The following CAMTA1 variants were observed in gnomAD, a reference collection of about 807,000 sequenced individuals.
CAMTA1 encodes the protein calmodulin binding transcription activator 1, also known as calmodulin-binding transcription activator 1.
In CAMTA1, 27 loss-of-function variants were observed where a neutral mutation model predicts 170.9. That is an observed-to-expected ratio of 0.16 (90% confidence interval 0.12 to 0.22). CAMTA1 has a LOEUF of 0.22. Ranked by LOEUF, CAMTA1 falls within the 10% of genes least tolerant of loss-of-function variation. CAMTA1 has a pLI of 1.00. For synonymous variants in CAMTA1, 833 were observed against 891.5 expected (o/e 0.93, Z 1.17); for missense variants, 1,619 against 2,217.2 (o/e 0.73, Z 5.42).
At chr1:7,179,379 G>GAATC (rs1350247777) in intron 4 of CAMTA1, among the ~76,000 whole-genome samples, 7 of 152,038 alleles carry the variant, frequency 4.6e-5, no homozygotes, top group African/African-American at 1.4e-4. Context: ...AATAACAATG[G>GAATC]AATCAAGAAG....
chr1:7,104,128 TA>T (rs1558104693), intron 4 of CAMTA1, among the ~76,000 whole-genome samples: 10 of 16,602 alleles, frequency 6.0e-4, no homozygotes, highest in African/African-American at 1.5e-3. Context: ...ACAACACACA[TA>T]ACTACACACG....
chr1:6,888,838 A>G (rs1025137479), intron 3 of CAMTA1, among the ~76,000 whole-genome samples: 1 of 149,824 alleles, frequency 6.7e-6, no homozygotes, highest in Non-Finnish European at 1.5e-5. Context: ...TTTTTTTTTT[A>G]AGCAAAGAAC....
At chr1:7,425,381 A>G (rs1003996492) in intron 5 of CAMTA1, among the ~76,000 whole-genome samples, 6 of 151,856 alleles carry the variant, frequency 4.0e-5, no homozygotes, top group Admixed American at 3.9e-4. Context: ...TGGCACCTAG[A>G]CCCTGGGAAA....
chr1:7,462,763 G>T (rs1255744413), intron 5 of CAMTA1, among the ~76,000 whole-genome samples: 4 of 152,048 alleles, frequency 2.6e-5, no homozygotes, highest in African/African-American at 9.7e-5. Flanking sequence ...AGTAACCCCC[G>T]AGGCCACCCG....
intron 3 of CAMTA1, among the ~76,000 whole-genome samples, chr1:6,973,518 C>T (rs1371198512): frequency 5.3e-5 from 8 of 152,178 alleles, no homozygotes; most frequent in South Asian, 2.1e-4. Flanking sequence ...CCTTTATGCA[C>T]GCATCTGTTG....
chr1:6,968,302 G>T (rs1026892131), intron 3 of CAMTA1, among the ~76,000 whole-genome samples: 8 of 152,192 alleles, frequency 5.3e-5, no homozygotes, highest in African/African-American at 1.9e-4. Context: ...TCTGTGCTGG[G>T]ACAAGATCGG....
At chr1:6,943,102 G>A (rs910670552) in intron 3 of CAMTA1, among the ~76,000 whole-genome samples, 6 of 152,036 alleles carry the variant, frequency 3.9e-5, no homozygotes, top group South Asian at 2.1e-4. Flanking sequence ...GGCTGGTGCC[G>A]TGACTGGCCC....
intron 5 of CAMTA1, among the ~76,000 whole-genome samples, chr1:7,260,430 A>T (rs181888675): frequency 5.3e-4 from 81 of 152,390 alleles, no homozygotes; most frequent in African/African-American, 1.8e-3. Context: ...GCCTGAAAAC[A>T]TTAGGCAATG....
intron 3 of CAMTA1, among the ~76,000 whole-genome samples, chr1:7,042,889 A>AT (rs1171940018): frequency 6.6e-6 from 1 of 152,196 alleles, no homozygotes. Context: ...GCAATATCTG[A>AT]TTCTTGACCA....
chr1:6,854,226 A>T (rs930322954), intron 3 of CAMTA1, among the ~76,000 whole-genome samples: 2 of 152,198 alleles, frequency 1.3e-5, no homozygotes, highest in Admixed American at 6.5e-5. Context: ...TCATAGTGTA[A>T]CACATTACTG....
rs1012960365 is a variant in CAMTA1 at position 7,737,103 on chromosome 1, G to A, written c.3342+94G>A. The A allele has an allele frequency of 5.9e-5, 78 of 1,317,300 alleles. No individual in the cohort carries two copies. In the African/African-American group the frequency reaches 9.1e-4, roughly 15 times the overall value. The allele number at this position is 1,317,300 out of a possible 1,614,324, so 81.6% of individuals were successfully genotyped here. ...CACCGTTGTCTCTTGCTGACACATG[G>A]CATGTTTCGGAGATACTTTGGGATG... On this transcript the variant is annotated intron_variant, in intron 14 of 22. Transcript: ENST00000303635.
At chr1:7,499,765 T>C (rs1482749175) in intron 6 of CAMTA1, among the ~76,000 whole-genome samples, 2 of 107,670 alleles carry the variant, frequency 1.9e-5, no homozygotes, top group Non-Finnish European at 3.8e-5. Flanking sequence ...TGTGAGCCTG[T>C]TGTGAGTGTG....
chr1:7,309,286 A>ATTTTTTTTTTTTTTTTTTTTTTTT (rs1557486806), intron 5 of CAMTA1, among the ~76,000 whole-genome samples: 1 of 142,894 alleles, frequency 7.0e-6, no homozygotes, highest in African/African-American at 2.6e-5. Context: ...GCAGTTAGAA[A>ATTTTTTTTTTTTTTTTTTTTTTTT]ATTTTTTTTT....
rs1001347557 is a variant in CAMTA1 at position 7,561,219 on chromosome 1, C to A, written c.511-79181C>A. On this transcript the variant is annotated intron_variant, in intron 6 of 22. Coordinates refer to ENST00000303635, the MANE Select transcript of CAMTA1 (RefSeq NM_015215.4). This position sits in a 1 kb window ranked among gnomAD's most constrained non-coding sequence, Gnocchi z 5.3. ...GCCGATCCAGGCAGGAAGAGCCCAA[C>A]AGGTTCAGCAGGAGCACCTGGATCT... Among the ~76,000 whole-genome samples, 4 of 152,054 alleles carry A rather than the reference C, an allele frequency of 2.6e-5. No homozygotes were observed. Among genetic ancestry groups the A allele is most frequent in the Admixed American group, 2.6e-4 (4 of 15,286 alleles).
intron 4 of CAMTA1, among the ~76,000 whole-genome samples, chr1:7,246,722 C>T (rs1023430097): frequency 1.6e-4 from 21 of 133,354 alleles, no homozygotes; most frequent in Non-Finnish European, 2.8e-4. Flanking sequence ...GCCAGAGTGC[C>T]GTGGCACGAT....
chr1:7,672,870 G>T (rs2096072915), intron 10 of CAMTA1, among the ~76,000 whole-genome samples: 1 of 151,996 alleles, frequency 6.6e-6, no homozygotes, highest in Non-Finnish European at 1.5e-5. Context: ...CCCACCCCCT[G>T]CTGGCCCAGC....
chr1:7,554,930 T>C (rs1340642938), intron 6 of CAMTA1, among the ~76,000 whole-genome samples: 3 of 152,086 alleles, frequency 2.0e-5, no homozygotes, highest in Admixed American at 1.3e-4. Flanking sequence ...TCTGACTTTT[T>C]TTTTCAAGCA....
At chr1:7,719,483 T>C (rs2096635579) in intron 11 of CAMTA1, among the ~76,000 whole-genome samples, 1 of 152,206 alleles carries the variant, frequency 6.6e-6, no homozygotes, top group African/African-American at 2.4e-5. Flanking sequence ...AGAAGAAATA[T>C]GGATGCAGAA....
chr1:7,054,302 C>A (rs1274034699), intron 3 of CAMTA1, among the ~76,000 whole-genome samples: 2 of 152,178 alleles, frequency 1.3e-5, no homozygotes, highest in Non-Finnish European at 2.9e-5. Context: ...GAGGCCAGGC[C>A]GCCTCTGCAT....
Sources: gnomAD v4.1 joint callset for allele counts (sites outside exome capture counted in the v4.1 genomes callset) on GRCh38, gnomAD v4.1.1 for gene constraint, Gnocchi (gnomAD v3.1) non-coding constraint, MANE v1.5 for transcripts, NCBI Gene and HGNC (gene_info 2026-07-23, HGNC 2026-07-21) for gene names.